Variants in DNAJC24 observed in about 807,000 individuals in gnomAD.
DNAJC24 encodes dnaJ homolog subfamily C member 24.
A neutral mutation model predicts 18.0 loss-of-function variants in DNAJC24; 17 were observed. The ratio of observed to expected loss-of-function variants is 0.94; its 90% CI spans 0.65 to 1.42. DNAJC24 has a LOEUF of 1.42. DNAJC24 is among the 40% of genes most tolerant of loss of function. The pLI, the probability that DNAJC24 is intolerant of heterozygous loss-of-function variation, is 0.00. For missense variants in DNAJC24, 158 were observed against 175.6 expected (o/e 0.90, Z 0.57); for synonymous variants, 55 against 57.7 (o/e 0.95, Z 0.21).
intron 3 of DNAJC24, 34 bp downstream of exon 3, chr11:31,414,983 G>A (rs772113160): frequency 6.9e-6 from 11 of 1,604,132 alleles, no homozygotes; most frequent in South Asian, 2.2e-5. Flanking sequence ...ACAGCACATC[G>A]GCAACTCTTA....
At chr11:31,371,644 A>G (rs941192851) in intron 2 of DNAJC24, among the ~76,000 whole-genome samples, 2 of 152,036 alleles carry the variant, frequency 1.3e-5, no homozygotes, top group African/African-American at 4.8e-5. Flanking sequence ...ATTACTGGCT[A>G]TTTTGTGTTT....
intron 2 of DNAJC24, among the ~76,000 whole-genome samples, chr11:31,405,779 A>C (rs761196185): frequency 2.0e-5 from 3 of 152,142 alleles, no homozygotes; most frequent in Non-Finnish European, 2.9e-5. Context: ...TAATGAAAAA[A>C]AATTTATTGG....
intron 1 of DNAJC24, among the ~76,000 whole-genome samples, 178 bp downstream of exon 1, chr11:31,370,090 T>C (rs574913830): frequency 1.3e-5 from 2 of 152,112 alleles, no homozygotes; most frequent in Admixed American, 1.3e-4. Context: ...TGGTAGGGTC[T>C]CTCTTCTGGA....
At chr11:31,409,687 C>G (rs1952688137) in intron 2 of DNAJC24, among the ~76,000 whole-genome samples, 1 of 152,076 alleles carries the variant, frequency 6.6e-6, no homozygotes. Context: ...TTTAGTAAGA[C>G]TGTTATGAAT....
At chr11:31,399,217 A>C (rs1221132458) in intron 2 of DNAJC24, among the ~76,000 whole-genome samples, 1 of 152,204 alleles carries the variant, frequency 6.6e-6, no homozygotes, top group African/African-American at 2.4e-5. Flanking sequence ...GAAAAAAGGC[A>C]TGTTACTAAC....
At chr11:31,380,725 C>G (rs996448250) in intron 2 of DNAJC24, among the ~76,000 whole-genome samples, 10 of 152,112 alleles carry the variant, frequency 6.6e-5, no homozygotes, top group Non-Finnish European at 8.8e-5. Context: ...TTCAGTGAGT[C>G]TTGACTACAT....
At chr11:31,393,968 A>G (rs1017098598) in intron 2 of DNAJC24, among the ~76,000 whole-genome samples, 2 of 152,178 alleles carry the variant, frequency 1.3e-5, no homozygotes, top group East Asian at 3.8e-4. Context: ...TCCTCAAGTG[A>G]TCAATAAAAG....
chr11:31,405,906 A>C (rs1952653048), intron 2 of DNAJC24, among the ~76,000 whole-genome samples: 1 of 152,216 alleles, frequency 6.6e-6, no homozygotes, highest in African/African-American at 2.4e-5. Flanking sequence ...CTACATAGGC[A>C]AAAGGGGGGC....
chr11:31,380,934 A>G (rs944050979), intron 2 of DNAJC24, among the ~76,000 whole-genome samples: 1 of 152,140 alleles, frequency 6.6e-6, no homozygotes, highest in Non-Finnish European at 1.5e-5. Flanking sequence ...AGATTTTTAA[A>G]GAGAGATTAA....
At chr11:31,401,423 C>T (rs996661768) in intron 2 of DNAJC24, among the ~76,000 whole-genome samples, 1 of 151,500 alleles carries the variant, frequency 6.6e-6, no homozygotes, top group African/African-American at 2.4e-5. Context: ...CTCTTTCTTC[C>T]TCCTCCTCTT....
chr11:31,426,407 A>C, intron 4 of DNAJC24, 52 bp downstream of exon 4: 2 of 1,076,604 alleles, frequency 1.9e-6, no homozygotes, highest in African/African-American at 1.6e-5. Context: ...GGAATTTTCT[A>C]TAAGAAAAAA....
rs775449977 is a variant in DNAJC24 at position 31,426,268 on chromosome 11, C to T, written c.251-19C>T. The T allele has an allele frequency of 2.1e-6, 3 of 1,456,000 alleles. No individual in the cohort carries two copies. The highest frequency in any genetic ancestry group is 2.1e-5 in the Admixed American group (1 of 47,148). The allele number at this position is 1,456,000 out of a possible 1,614,324, so 90.2% of individuals were successfully genotyped here. On this transcript the variant is annotated intron_variant, in intron 3 of 4. Coordinates refer to ENST00000465995, the MANE Select transcript of DNAJC24 (RefSeq NM_181706.5). ...AGTATCATGTTTTACAATTAAGTGT[C>T]ATGTTTTATGTTTTACAGAAGATGA...
intron 3 of DNAJC24, chr11:31,416,343 C>T (rs948718396): frequency 2.0e-5 from 3 of 152,070 alleles, no homozygotes; most frequent in Non-Finnish European, 2.9e-5. Context: ...ATAAGTTCTA[C>T]CCGTTGGTGT....
chr11:31,370,284 A>T (rs889654816), intron 1 of DNAJC24, among the ~76,000 whole-genome samples: 1 of 152,148 alleles, frequency 6.6e-6, no homozygotes, highest in Non-Finnish European at 1.5e-5. Flanking sequence ...GAATGCCCCC[A>T]AATTTATTTT....
chr11:31,402,635 G>T (rs1260833590), intron 2 of DNAJC24, among the ~76,000 whole-genome samples: 2 of 151,900 alleles, frequency 1.3e-5, no homozygotes, highest in Non-Finnish European at 2.9e-5. Context: ...CAGCCTCTTG[G>T]GTAGCTAGGA....
intron 3 of DNAJC24, among the ~76,000 whole-genome samples, chr11:31,418,831 G>T (rs1312174672): frequency 2.0e-5 from 3 of 152,012 alleles, no homozygotes; most frequent in Non-Finnish European, 4.4e-5. Context: ...TACACAATTT[G>T]CTCCATCCCT....
At chr11:31,404,852 C>T (rs1376650013) in intron 2 of DNAJC24, among the ~76,000 whole-genome samples, 1 of 151,234 alleles carries the variant, frequency 6.6e-6, no homozygotes, top group Non-Finnish European at 1.5e-5. Context: ...TGGGGCATTG[C>T]AAGACAGTAC....
At chr11:31,423,679 T>G (rs1425070381) in intron 3 of DNAJC24, among the ~76,000 whole-genome samples, 2 of 152,198 alleles carry the variant, frequency 1.3e-5, no homozygotes, top group African/African-American at 4.8e-5. Flanking sequence ...GTGTTATATT[T>G]TTTTGTCAGA....
intron 2 of DNAJC24, among the ~76,000 whole-genome samples, chr11:31,403,758 G>A (rs1208627226): frequency 6.6e-6 from 1 of 152,142 alleles, no homozygotes; most frequent in Non-Finnish European, 1.5e-5. Flanking sequence ...ATATTAAGAT[G>A]TTTTCTTTAG....
Sources: allele counts gnomAD v4.1 joint callset (sites outside exome capture counted in the v4.1 genomes callset), GRCh38; gene constraint gnomAD v4.1.1; transcripts MANE v1.5; gene names NCBI Gene and HGNC (gene_info 2026-07-23, HGNC 2026-07-21).